The following CUX1 variants were observed in gnomAD, a reference collection of about 807,000 sequenced individuals.
CUX1 encodes cut like homeobox 1.
Under a neutral mutation model 158.8 loss-of-function variants are expected in CUX1, and 31 were observed. The observed-to-expected ratio is 0.20, with a 90% CI of 0.15 to 0.26. The LOEUF (loss-of-function observed/expected upper bound fraction) is 0.26, where lower values mean the gene tolerates loss of function less well. CUX1 is among the 10% of genes least tolerant of loss of function. CUX1 has a pLI of 1.00. For synonymous variants in CUX1, 879 were observed against 862.1 expected, an observed-to-expected ratio of 1.02 and a Z score of -0.34; for missense variants, 1,589 against 2,014.6, an observed-to-expected ratio of 0.79 and a Z score of 4.04.
chr7:101,912,170 T>G (rs1025358027), intron 1 of CUX1, among the ~76,000 whole-genome samples: 1 of 151,762 alleles, frequency 6.6e-6, no homozygotes, highest in Non-Finnish European at 1.5e-5. Flanking sequence ...TTTGGTGGTG[T>G]TTTCTGTGAC....
intron 20 of CUX1, among the ~76,000 whole-genome samples, chr7:102,218,715 T>G (rs1554525776): frequency 6.6e-6 from 1 of 151,462 alleles, no homozygotes; most frequent in African/African-American, 2.4e-5. Flanking sequence ...AGAAAGAATT[T>G]TGGCTCCCAT....
At chr7:102,141,129 C>T (rs1834407571) in intron 8 of CUX1, among the ~76,000 whole-genome samples, 1 of 151,990 alleles carries the variant, frequency 6.6e-6, no homozygotes, top group African/African-American at 2.4e-5. Flanking sequence ...TCTAACACTT[C>T]ACAAGCAGAA....
At chr7:102,271,850 C>T (rs150876467) in intron 14 of CUX1, among the ~76,000 whole-genome samples, 1,532 of 152,170 alleles carry the variant, frequency 0.01, 24 homozygotes, top group African/African-American at 0.035. Flanking sequence ...TGCTAAACCC[C>T]GTCTCTACTA....
chr7:102,210,054 A>AT (rs1343211379), intron 20 of CUX1, among the ~76,000 whole-genome samples: 3 of 151,808 alleles, frequency 2.0e-5, no homozygotes, highest in South Asian at 2.1e-4. Context: ...CACTCAGCTA[A>AT]TTTTTTTATT....
intron 1 of CUX1, among the ~76,000 whole-genome samples, chr7:101,886,832 A>C (rs561311497): frequency 3.9e-5 from 6 of 152,224 alleles, no homozygotes; most frequent in Non-Finnish European, 8.8e-5. Flanking sequence ...CCTTGTTGCC[A>C]TTGGAAACTC....
At chr7:101,967,915 T>C (rs916679756) in intron 2 of CUX1, among the ~76,000 whole-genome samples, 1 of 152,090 alleles carries the variant, frequency 6.6e-6, no homozygotes, top group South Asian at 2.1e-4. Flanking sequence ...TTTTTCTTTG[T>C]TTTTTTGAGA....
chr7:102,116,825 G>A (rs893219770), intron 8 of CUX1, among the ~76,000 whole-genome samples: 1 of 152,134 alleles, frequency 6.6e-6, no homozygotes, highest in Non-Finnish European at 1.5e-5. Flanking sequence ...GAGCCAGGCC[G>A]AGGGGTGTGG....
chr7:102,267,993 C>A (rs946751323), intron 14 of CUX1, among the ~76,000 whole-genome samples: 1 of 152,108 alleles, frequency 6.6e-6, no homozygotes, highest in Non-Finnish European at 1.5e-5. Flanking sequence ...CTTAAAGATG[C>A]TTTGATTCCC....
chr7:102,006,015 C>T (rs967910210), intron 2 of CUX1, among the ~76,000 whole-genome samples: 4 of 152,174 alleles, frequency 2.6e-5, no homozygotes, highest in Non-Finnish European at 4.4e-5. Context: ...ATGGAAGATG[C>T]GCTTGGAAGG....
intron 3 of CUX1, among the ~76,000 whole-genome samples, chr7:102,063,133 T>TA (rs150942007): frequency 5.3e-5 from 8 of 149,588 alleles, no homozygotes; most frequent in Non-Finnish European, 8.9e-5. Flanking sequence ...AACACTACAT[T>TA]AAAAAAAAAA....
rs1801102691 is a variant in CUX1 at position 102,248,702 on chromosome 7, G to A, written c.4178G>A (p.Gly1393Glu). 2 of 1,242,078 alleles carry A rather than the reference G, an allele frequency of 1.6e-6. No homozygotes were observed. The allele number at this position is 1,242,078 out of a possible 1,614,324, so 76.9% of individuals were successfully genotyped here. ...PDDARDDDHE[G>E]GPVEGPGPLP... ...GACGCCCGCGACGACGACCACGAGG[G>A]AGGCCCCGTGGAAGGCCCGGGGCCC... Residue 1393 changes from glycine (G) to glutamate (E), a missense_variant, in exon 24 of 24, where the codon GGA (glycine) becomes GAA (glutamate). Transcript: ENST00000292535. This position sits in a 1 kb window ranked among gnomAD's most constrained non-coding sequence, Gnocchi z 5.8.
chr7:102,165,572 C>T (rs927367241), intron 9 of CUX1, among the ~76,000 whole-genome samples: 15 of 152,088 alleles, frequency 9.9e-5, no homozygotes, highest in Non-Finnish European at 2.2e-4. Context: ...ACCATGTTGA[C>T]CAGGCTGGTC....
At chr7:102,017,028 G>T (rs1487124533) in intron 2 of CUX1, among the ~76,000 whole-genome samples, 3 of 152,158 alleles carry the variant, frequency 2.0e-5, no homozygotes, top group Non-Finnish European at 4.4e-5. Context: ...CTTGGGCTGG[G>T]TGTGGTGGCT....
At chr7:102,107,594 G>C (rs1203235085) in intron 6 of CUX1, among the ~76,000 whole-genome samples, 4 of 152,142 alleles carry the variant, frequency 2.6e-5, no homozygotes, top group African/African-American at 9.7e-5. Flanking sequence ...GCCCACCCGG[G>C]GCCCTCCCTG....
At chr7:101,865,967 G>A (rs779283925) in intron 1 of CUX1, among the ~76,000 whole-genome samples, 1 of 151,988 alleles carries the variant, frequency 6.6e-6, no homozygotes, top group African/African-American at 2.4e-5. Context: ...TACAGCCTCC[G>A]GTCAAAAAAA....
intron 2 of CUX1, among the ~76,000 whole-genome samples, chr7:101,984,089 A>AAAAAAAAAAAAAAAAAAT (rs1221503978): frequency 3.4e-5 from 1 of 29,846 alleles, no homozygotes; most frequent in Non-Finnish European, 7.0e-5. Flanking sequence ...AAAAAAAAAA[A>AAAAAAAAAAAAAAAAAAT]ATATATATAT....
At position 102,037,824 on chromosome 7, in the gene CUX1, G is replaced by A. The variant is rs1332789326; in HGVS notation, c.189+9679G>A. ...AATCTCAGCACTTTGGGAGGCTGAG[G>A]CAGGCGGATCACTTGATGTCAGGAG... On this transcript the variant is annotated intron_variant, in intron 3 of 23. Transcript: ENST00000292535. 3.3e-5 allele frequency among the ~76,000 whole-genome samples: 5 copies of A among 152,128 alleles called. No individual in the cohort carries two copies. The East Asian group carries it at 9.8e-4, about 30-fold the overall frequency.
chr7:102,134,704 C>T (rs535879250), intron 8 of CUX1, among the ~76,000 whole-genome samples: 219 of 152,264 alleles, frequency 1.4e-3, no homozygotes, highest in Non-Finnish European at 2.6e-3. Flanking sequence ...CTCAAGTGAT[C>T]CTCCCACCTC....
chr7:102,275,359 CGT>C lies in CUX1; in HGVS notation c.1563+2_1563+3del. The stretch of plus-strand genomic sequence containing the variant: ...GTGCCCGGAACCAGGAGCTTGAGGC[CGT>C]GAGTCACATCCTTCTCTCCCTGATG... On this transcript the variant is annotated splice_donor_variant, in intron 17 of 22. Transcript: ENST00000292538. LOFTEE classifies it high-confidence loss of function. The C allele has an allele frequency of 6.2e-7, 1 of 1,610,160 alleles. No homozygotes were observed.
Sources: gnomAD v4.1 joint callset for allele counts (sites outside exome capture counted in the v4.1 genomes callset) on GRCh38, gnomAD v4.1.1 for gene constraint, Gnocchi (gnomAD v3.1) non-coding constraint, MANE v1.5 for transcripts, NCBI Gene and HGNC (gene_info 2026-07-23, HGNC 2026-07-21) for gene names.